The following SH2D4B variants were observed in gnomAD, a reference collection of about 807,000 sequenced individuals.
SH2D4B encodes the protein SH2 domain containing 4B.
Under a neutral mutation model 61.5 loss-of-function variants are expected in SH2D4B, and 45 were observed. The observed-to-expected ratio is 0.73, with a 90% CI of 0.58 to 0.94. SH2D4B has a LOEUF of 0.94. SH2D4B is among the 40% of genes least tolerant of loss of function. The pLI is 0.00. For synonymous variants in SH2D4B, 224 were observed against 220.4 expected (o/e 1.02, Z -0.14); for missense variants, 572 against 574.2 (o/e 1.00, Z 0.04).
At chr10:80,572,081 C>G (rs1414328579) in intron 3 of SH2D4B, among the ~76,000 whole-genome samples, 1 of 152,034 alleles carries the variant, frequency 6.6e-6, no homozygotes, top group African/African-American at 2.4e-5. Context: ...CGGGCCAATC[C>G]ACTTCTTATT....
intron 3 of SH2D4B, among the ~76,000 whole-genome samples, chr10:80,575,434 G>A (rs1406497798): frequency 1.3e-5 from 2 of 152,076 alleles, no homozygotes; most frequent in African/African-American, 4.8e-5. Context: ...CTCTGCTGCT[G>A]TAGCACAATA....
intron 1 of SH2D4B, among the ~76,000 whole-genome samples, chr10:80,546,278 G>A (rs896460667): frequency 1.3e-5 from 2 of 151,910 alleles, no homozygotes; most frequent in Admixed American, 1.3e-4. Flanking sequence ...GAACTTCTGG[G>A]CTCAAGCAAT....
chr10:80,580,713 G>A (rs1842177060), intron 3 of SH2D4B, among the ~76,000 whole-genome samples: 1 of 152,140 alleles, frequency 6.6e-6, no homozygotes, highest in Non-Finnish European at 1.5e-5. Context: ...TCTAGAAAAG[G>A]CATTTGTCTT....
intron 4 of SH2D4B, among the ~76,000 whole-genome samples, chr10:80,591,600 A>G (rs144123060): frequency 0.012 from 1,605 of 139,278 alleles, 33 homozygotes; most frequent in African/African-American, 0.041. Flanking sequence ...TCTCCCTCCC[A>G]GGCTCAAGCA....
At chr10:80,632,611 G>A (rs750699161) in intron 6 of SH2D4B, among the ~76,000 whole-genome samples, 11 of 152,034 alleles carry the variant, frequency 7.2e-5, no homozygotes, top group East Asian at 1.9e-4. Flanking sequence ...CTGGCCCTGC[G>A]TCTGGCCCCC....
chr10:80,571,346 G>T, intron 2 of SH2D4B, 85 bp from the exon 3 acceptor site: 1 of 1,469,902 alleles, frequency 6.8e-7, no homozygotes, highest in African/African-American at 1.4e-5. Context: ...AGGAAAAATT[G>T]CTCATTGTTT....
chr10:80,546,038 C>T (rs1321327474), intron 1 of SH2D4B, among the ~76,000 whole-genome samples: 1 of 148,556 alleles, frequency 6.7e-6, no homozygotes, highest in African/African-American at 2.5e-5. Flanking sequence ...CTTTCTTTCT[C>T]TCTCTTTCTT....
At chr10:80,568,298 A>G (rs1564770286) in intron 1 of SH2D4B, among the ~76,000 whole-genome samples, 1 of 152,186 alleles carries the variant, frequency 6.6e-6, no homozygotes, top group Non-Finnish European at 1.5e-5. Flanking sequence ...TGAGGGAGTC[A>G]TTGTAAGCTT....
intron 6 of SH2D4B, among the ~76,000 whole-genome samples, chr10:80,612,979 T>TA (rs1285524598): frequency 2.0e-5 from 3 of 152,182 alleles, no homozygotes; most frequent in Admixed American, 6.5e-5. Flanking sequence ...ACAGGACACT[T>TA]ACGAAGATTG....
At chr10:80,609,683 T>A in intron 6 of SH2D4B, 132 bp downstream of exon 6, 8 of 1,392,662 alleles carry the variant, frequency 5.7e-6, no homozygotes, top group South Asian at 2.6e-5. Context: ...ATTCTGTCCC[T>A]CTCCCAGTGG....
At chr10:80,573,516 A>T (rs1251429327) in intron 3 of SH2D4B, among the ~76,000 whole-genome samples, 2 of 152,092 alleles carry the variant, frequency 1.3e-5, no homozygotes, top group South Asian at 2.1e-4. Context: ...TTGGAGGGTG[A>T]TGTAATAGAG....
At chr10:80,588,153 A>G (rs568852548) in intron 3 of SH2D4B, among the ~76,000 whole-genome samples, 1 of 152,298 alleles carries the variant, frequency 6.6e-6, no homozygotes, top group East Asian at 1.9e-4. Context: ...AGCTGAGGAG[A>G]TGGGAGCTCA....
intron 6 of SH2D4B, among the ~76,000 whole-genome samples, chr10:80,630,962 C>A (rs1452033364): frequency 6.6e-6 from 1 of 152,128 alleles, no homozygotes; most frequent in Non-Finnish European, 1.5e-5. Context: ...GTGGGTGAGA[C>A]ACATAACATC....
At chr10:80,579,664 A>T (rs1842167340) in intron 3 of SH2D4B, among the ~76,000 whole-genome samples, 2 of 150,080 alleles carry the variant, frequency 1.3e-5, no homozygotes, top group Admixed American at 6.6e-5. Context: ...TTGTTTATTA[A>T]TTTTTTTTCC....
chr10:80,563,898 T>TA lies in SH2D4B; in HGVS notation c.185-6255dup, dbSNP rs1407920325. 6.0e-4 allele frequency among the ~76,000 whole-genome samples: 92 copies of TA among 152,362 alleles called. 1 individual carries two copies. The highest frequency in any genetic ancestry group is 6.8e-3 in the Middle Eastern group (2 of 292). ...AAGGCATCATTCAAATTATGTTTCATAGGGCTTATTTCTCTTACAGAACCC... is the reference window on the plus strand; with the variant it reads ...AAGGCATCATTCAAATTATGTTTCATAAGGGCTTATTTCTCTTACAGAACCC... On this transcript the variant is annotated intron_variant, in intron 1 of 7. Transcript: ENST00000646907.
intron 6 of SH2D4B, 111 bp from the exon 7 acceptor site, chr10:80,634,174 G>A (rs938522653): frequency 8.6e-6 from 12 of 1,390,334 alleles, no homozygotes; most frequent in Non-Finnish European, 1.1e-5. Flanking sequence ...GGACTGTGTG[G>A]ATGGCATGTG....
At chr10:80,557,004 G>A (rs1483524535) in intron 1 of SH2D4B, among the ~76,000 whole-genome samples, 1 of 152,046 alleles carries the variant, frequency 6.6e-6, no homozygotes, top group Non-Finnish European at 1.5e-5. Context: ...TCAATCTCCG[G>A]TCATTAAGTA....
At chr10:80,634,208 A>G in intron 6 of SH2D4B, 77 bp from the exon 7 acceptor site, 1 of 1,460,202 alleles carries the variant, frequency 6.8e-7, no homozygotes, top group Non-Finnish European at 9.0e-7. Context: ...GGTGAGGGGC[A>G]GGGAGGAGTG....
intron 1 of SH2D4B, among the ~76,000 whole-genome samples, chr10:80,544,781 A>G (rs1841647165): frequency 6.6e-6 from 1 of 152,194 alleles, no homozygotes. Flanking sequence ...CTTTGGACAC[A>G]CGAGTTAGCT....
Sources: gnomAD v4.1 joint callset for allele counts (sites outside exome capture counted in the v4.1 genomes callset) on GRCh38, gnomAD v4.1.1 for gene constraint, MANE v1.5 for transcripts, NCBI Gene and HGNC (gene_info 2026-07-23, HGNC 2026-07-21) for gene names.